The following JAKMIP3 variants were observed in gnomAD, a reference collection of about 807,000 sequenced individuals.
JAKMIP3 encodes the protein Janus kinase and microtubule interacting protein 3, also known as janus kinase and microtubule-interacting protein 3.
A neutral mutation model predicts 118.5 loss-of-function variants in JAKMIP3; 58 were observed. The ratio of observed to expected loss-of-function variants is 0.49; its 90% confidence interval spans 0.40 to 0.61. JAKMIP3 has a LOEUF of 0.61. Among genes scored for constraint, JAKMIP3 ranks in the 20% least tolerant of loss-of-function variants. The pLI, the probability that JAKMIP3 is intolerant of heterozygous loss-of-function variation, is 0.00. For synonymous variants in JAKMIP3, 486 were observed against 451.2 expected (o/e 1.08, Z -0.98); for missense variants, 950 against 1,109.0 (o/e 0.86, Z 2.04).
At chr10:132,046,054 G>A (rs954787732) in intron 1 of JAKMIP3, among the ~76,000 whole-genome samples, 6 of 152,130 alleles carry the variant, frequency 3.9e-5, no homozygotes, top group Admixed American at 1.3e-4. Context: ...ACCCACACCC[G>A]GCAGATATTA....
chr10:132,163,451 G>A, intron 20 of JAKMIP3, 39 bp downstream of exon 20: 4 of 1,548,122 alleles, frequency 2.6e-6, no homozygotes, highest in South Asian at 1.2e-5. Context: ...GTGAAGACCT[G>A]GCCAGGACCT....
At chr10:132,160,116 CTTCCTGTGTGATGCTGGGGGGGGTCTCTT>C in intron 19 of JAKMIP3, among the ~76,000 whole-genome samples, 1 of 22,694 alleles carries the variant, frequency 4.4e-5, no homozygotes, top group Non-Finnish European at 7.6e-5. Flanking sequence ...GCGGTGGCCT[CTTCCTGTGTGATGCTGGGGGGGGTCTCTT>C]CCTGTGTGAT....
chr10:132,152,317 CAGAG>C lies in JAKMIP3; in HGVS notation c.2008-638_2008-635del, dbSNP rs200595733. Among the ~76,000 whole-genome samples the C allele has an allele frequency of 1.5e-4, 23 of 152,278 alleles. No homozygotes were observed. In the East Asian group the frequency reaches 4.4e-3, roughly 29 times the overall value. On this transcript the variant is annotated intron_variant, in intron 16 of 23. Transcript: ENST00000684848. ...GCTTTTGGAGTGAGCTGGCAAGAAT[CAGAG>C]AGGCCCCACGAGCTGGAGTCAGGCA...
Position 132,168,805 on chromosome 10 carries a change from A to G in JAKMIP3, c.*875A>G. 1 of 226,638 alleles carries G rather than the reference A, an allele frequency of 4.4e-6. No homozygotes were observed. Among genetic ancestry groups the G allele is most frequent in the Non-Finnish European group, 8.8e-6 (1 of 113,660 alleles). 14.0% of individuals were successfully genotyped at this position (226,638 alleles called of 1,614,324 possible). A position where few individuals can be genotyped will look rare whatever the true frequency, so the allele number is the denominator to read the frequency against. On this transcript the variant is annotated 3_prime_UTR_variant, in exon 23 of 24. Transcript: ENST00000684848. The stretch of plus-strand genomic sequence containing the variant: ...GCTGCCTCCATAGTGAATCTCCAGA[A>G]GTCACAGAGGCCCTGGGCACCCAGA...
intron 16 of JAKMIP3, among the ~76,000 whole-genome samples, chr10:132,152,040 A>C (rs931888302): frequency 6.6e-6 from 1 of 151,966 alleles, no homozygotes. Context: ...AAGTGTTGGG[A>C]GAGGTCTGTG....
chr10:132,140,388 G>A lies in JAKMIP3; in HGVS notation c.1345-63G>A, dbSNP rs944164558. ...CCACCGTTGGGCAGCGGGAGGAGGC[G>A]GCGGGAGGAGGCGGCTGTGCCTGGG... On this transcript the variant is annotated intron_variant, in intron 9 of 23. Coordinates refer to ENST00000684848, the MANE Select transcript of JAKMIP3 (RefSeq NM_001323087.2). 6.2e-6 allele frequency: 10 copies of A among 1,602,432 alleles called. No individual in the cohort carries two copies. The Admixed American group carries it at 6.7e-5, about 11-fold the overall frequency.
intron 1 of JAKMIP3, among the ~76,000 whole-genome samples, chr10:132,053,670 C>T (rs1286010778): frequency 2.0e-5 from 3 of 152,178 alleles, no homozygotes; most frequent in African/African-American, 4.8e-5. Context: ...TGAGAGAGCT[C>T]TTCCAGTCCT....
chr10:132,095,164 GAA>G (rs955910826), intron 1 of JAKMIP3, among the ~76,000 whole-genome samples: 49 of 152,300 alleles, frequency 3.2e-4, no homozygotes, highest in African/African-American at 1.1e-3. Flanking sequence ...TCCCAGCTGT[GAA>G]AATGGGGCTT....
At chr10:132,051,254 G>C (rs531889911) in intron 1 of JAKMIP3, among the ~76,000 whole-genome samples, 1 of 140,948 alleles carries the variant, frequency 7.1e-6, no homozygotes, top group East Asian at 2.2e-4. Context: ...GGGGGTACCT[G>C]CCTGTCTTTC....
chr10:132,055,203 T>C (rs576042278), intron 1 of JAKMIP3, among the ~76,000 whole-genome samples: 1 of 152,320 alleles, frequency 6.6e-6, no homozygotes, highest in Non-Finnish European at 1.5e-5. Flanking sequence ...AGTAGTGCCT[T>C]TCTCTGGGAG....
At chr10:132,048,137 T>A (rs1423709649) in intron 1 of JAKMIP3, among the ~76,000 whole-genome samples, 1 of 152,120 alleles carries the variant, frequency 6.6e-6, no homozygotes, top group Non-Finnish European at 1.5e-5. Flanking sequence ...GCAGAGCAGG[T>A]GTGATGTTGA....
rs180892899 is a variant in JAKMIP3 at position 132,105,322 on chromosome 10, C to T, written c.135+379C>T. Among the ~76,000 whole-genome samples the T allele has an allele frequency of 5.3e-5, 8 of 152,334 alleles. No individual in the cohort carries two copies. The East Asian group carries it at 1.3e-3, about 26-fold the overall frequency. On this transcript the variant is annotated intron_variant, in intron 2 of 23. Coordinates refer to ENST00000684848, the MANE Select transcript of JAKMIP3 (RefSeq NM_001323087.2). ...TGGAACTGACCTGAAACAGAGTGGG[C>T]AGGTATGGCTCTCACATGGGAATAA... is the stretch of plus-strand genomic sequence containing the variant.
chr10:132,149,587 A>ACCCCCTCCGCCCCCGCCCCAC (rs2055485416), intron 15 of JAKMIP3, 77 bp downstream of exon 15: 11 of 163,020 alleles, frequency 6.7e-5, no homozygotes, highest in East Asian at 1.8e-4. Flanking sequence ...CCCCCGCCCC[A>ACCCCCTCCGCCCCCGCCCCAC]CCCCCCTCCG....
At chr10:132,180,565 G>GTGCA (rs2060762885) in intron 23 of JAKMIP3, among the ~76,000 whole-genome samples, 1 of 60,034 alleles carries the variant, frequency 1.7e-5, no homozygotes, top group African/African-American at 7.2e-5. Flanking sequence ...ATGCGTGTGT[G>GTGCA]TGCGTGTGTG....
intron 16 of JAKMIP3, 143 bp downstream of exon 16, chr10:132,150,184 T>C: frequency 1.6e-6 from 1 of 640,488 alleles, no homozygotes; most frequent in Non-Finnish European, 2.7e-6. Flanking sequence ...GCCCAGAGCC[T>C]GCTCAGAATC....
intron 1 of JAKMIP3, among the ~76,000 whole-genome samples, chr10:132,040,646 T>G (rs1223714366): frequency 6.8e-6 from 1 of 147,980 alleles, no homozygotes; most frequent in Admixed American, 6.8e-5. Context: ...AGCTTTTTTT[T>G]TTTTTCATTT....
intron 22 of JAKMIP3, 35 bp from the exon 23 acceptor site, chr10:132,167,918 C>A (rs2637650): frequency 7.8e-7 from 1 of 1,278,292 alleles, no homozygotes; most frequent in Non-Finnish European, 1.0e-6. Context: ...AGCGGAGCCT[C>A]GCTGACTCTG....
At position 132,124,367 on chromosome 10, in the gene JAKMIP3, G is replaced by A. The variant is rs542378730; in HGVS notation, c.633+6793G>A. 1.4e-4 allele frequency among the ~76,000 whole-genome samples: 21 copies of A among 151,114 alleles called. 1 individual carries two copies. The South Asian group carries it at 3.6e-3, about 26-fold the overall frequency. On this transcript the variant is annotated intron_variant, in intron 3 of 23. Transcript: ENST00000684848. ...GCCACGTGATCACACGTCCCACCCC[G>A]GCACATCACAACTGAGTCGGCCGGC... is the stretch of plus-strand genomic sequence containing the variant.
upstream of JAKMIP3, among the ~76,000 whole-genome samples, chr10:132,064,867 G>A (rs766336682): frequency 2.0e-4 from 30 of 152,298 alleles, no homozygotes; most frequent in African/African-American, 6.0e-4. The surrounding 1 kb of genome is among the most constrained non-coding windows in gnomAD (Gnocchi z 4.4). Flanking sequence ...GGCTCCTCTC[G>A]GGGTGATGCC....
Sources: allele counts gnomAD v4.1 joint callset (sites outside exome capture counted in the v4.1 genomes callset), GRCh38; gene constraint gnomAD v4.1.1; non-coding constraint Gnocchi (gnomAD v3.1); transcripts MANE v1.5; gene names NCBI Gene and HGNC (gene_info 2026-07-23, HGNC 2026-07-21).